The following CDH4 variants were observed in gnomAD, a reference collection of about 807,000 sequenced individuals.
The protein encoded by CDH4 is cadherin-4.
A neutral mutation model predicts 86.0 loss-of-function variants in CDH4; 33 were observed. That is an observed-to-expected ratio of 0.38 (90% CI 0.29 to 0.51). CDH4 has a LOEUF of 0.51. Ranked by LOEUF, CDH4 falls within the 20% of genes least tolerant of loss-of-function variation. The pLI, the probability that CDH4 is intolerant of heterozygous loss-of-function variation, is 0.86. For synonymous variants in CDH4, 555 were observed against 549.4 expected (o/e 1.01, Z -0.14); for missense variants, 1,114 against 1,307.4 (o/e 0.85, Z 2.28).
At chr20:61,854,861 A>C (rs1384614328) in intron 6 of CDH4, among the ~76,000 whole-genome samples, 1 of 137,776 alleles carries the variant, frequency 7.3e-6, no homozygotes, top group Non-Finnish European at 1.5e-5. Flanking sequence ...AACAGGGTGA[A>C]TTGTGCCCTT....
chr20:61,809,989 G>A (rs530499049), intron 4 of CDH4, among the ~76,000 whole-genome samples: 5 of 152,278 alleles, frequency 3.3e-5, no homozygotes, highest in African/African-American at 4.8e-5. Context: ...GAAGACCATC[G>A]TATCAGTTGG....
intron 2 of CDH4, among the ~76,000 whole-genome samples, chr20:61,464,297 C>T (rs2085461052): frequency 1.3e-5 from 2 of 152,148 alleles, no homozygotes; most frequent in South Asian, 4.2e-4. Context: ...TTTCCAGGTA[C>T]AGTTATTATG....
At chr20:61,589,969 C>T (rs950315171) in intron 2 of CDH4, among the ~76,000 whole-genome samples, 7 of 151,914 alleles carry the variant, frequency 4.6e-5, no homozygotes, top group Non-Finnish European at 8.8e-5. Flanking sequence ...AGGCCAGGGT[C>T]GGGAAGCAGC....
chr20:61,830,788 G>A (rs942137714), intron 4 of CDH4, among the ~76,000 whole-genome samples: 7 of 152,238 alleles, frequency 4.6e-5, no homozygotes, highest in Admixed American at 1.3e-4. Context: ...GCTTCTGGGC[G>A]CCCTTTCTTG....
At chr20:61,795,514 G>A (rs556548355) in intron 4 of CDH4, among the ~76,000 whole-genome samples, 1 of 152,312 alleles carries the variant, frequency 6.6e-6, no homozygotes, top group South Asian at 2.1e-4. Context: ...AGCCCCCCAG[G>A]ACGACACATA....
At chr20:61,635,595 G>A (rs953957849) in intron 2 of CDH4, among the ~76,000 whole-genome samples, 1 of 152,218 alleles carries the variant, frequency 6.6e-6, no homozygotes, top group Non-Finnish European at 1.5e-5. Context: ...ACAAGGGAAC[G>A]AGGGGCGGGC....
intron 2 of CDH4, among the ~76,000 whole-genome samples, chr20:61,651,755 G>A (rs775052735): frequency 2.6e-5 from 4 of 152,268 alleles, no homozygotes; most frequent in East Asian, 1.9e-4. Context: ...TAGTGATATC[G>A]TGGTTTTAGT....
At chr20:61,783,491 C>T (rs1396399940) in intron 4 of CDH4, among the ~76,000 whole-genome samples, 2 of 151,662 alleles carry the variant, frequency 1.3e-5, no homozygotes, top group African/African-American at 4.9e-5. Context: ...ATGTCCTGTG[C>T]CCCCGAAAGA....
chr20:61,357,686 T>A (rs764328154), intron 2 of CDH4, among the ~76,000 whole-genome samples: 1 of 151,824 alleles, frequency 6.6e-6, no homozygotes, highest in Non-Finnish European at 1.5e-5. Context: ...GAGCTTCACC[T>A]CTTCCACAAG....
At chr20:61,611,082 G>T (rs1316905105) in intron 2 of CDH4, among the ~76,000 whole-genome samples, 1 of 152,052 alleles carries the variant, frequency 6.6e-6, no homozygotes, top group Non-Finnish European at 1.5e-5. Context: ...GCTCTTCGGT[G>T]GGGTGGAGGC....
At chr20:61,837,726 C>T (rs1981943208) in intron 4 of CDH4, among the ~76,000 whole-genome samples, 1 of 150,690 alleles carries the variant, frequency 6.6e-6, no homozygotes, top group African/African-American at 2.5e-5. Flanking sequence ...CCTTGGGAAG[C>T]CCCCAGCGAC....
intron 2 of CDH4, chr20:61,719,240 G>A (rs4925196): frequency 0.081 from 32,579 of 400,150 alleles, 3,003 homozygotes; most frequent in East Asian, 0.38. Flanking sequence ...ATACAGAGAA[G>A]GATGCAAGCC....
At position 61,510,316 on chromosome 20, in the gene CDH4, A is replaced by G. The variant is rs952032235; in HGVS notation, c.170-233247A>G. Among the ~76,000 whole-genome samples, 2 of 152,052 alleles carry G rather than the reference A, an allele frequency of 1.3e-5. No homozygotes were observed. Among genetic ancestry groups the G allele is most frequent in the African/African-American group, 4.8e-5 (2 of 41,376 alleles). On this transcript the variant is annotated intron_variant, in intron 2 of 15. Coordinates refer to ENST00000614565, the MANE Select transcript of CDH4 (RefSeq NM_001794.5). This position sits in a 1 kb window ranked among gnomAD's most constrained non-coding sequence, Gnocchi z 4.2. Reference sequence around the variant, plus strand: ...GGAACGTGCATTCAGGGGAGTTTCTATTTGCCCAGGAGGATTGTGATGTAA... The same window carrying G: ...GGAACGTGCATTCAGGGGAGTTTCTGTTTGCCCAGGAGGATTGTGATGTAA...
intron 2 of CDH4, among the ~76,000 whole-genome samples, chr20:61,529,118 T>G (rs1451632512): frequency 6.6e-6 from 1 of 152,216 alleles, no homozygotes; most frequent in Non-Finnish European, 1.5e-5. Context: ...GACATTGATA[T>G]TTCATTCCTG....
At chr20:61,557,779 C>G (rs146508198) in intron 2 of CDH4, among the ~76,000 whole-genome samples, 1 of 139,326 alleles carries the variant, frequency 7.2e-6, no homozygotes, top group Non-Finnish European at 1.6e-5. Context: ...GCATTTTAAT[C>G]ACTCAAAGAC....
chr20:61,676,088 G>A lies in CDH4; in HGVS notation c.170-67475G>A, dbSNP rs926166667. On this transcript the variant is annotated intron_variant, in intron 2 of 15. Coordinates refer to ENST00000614565, the MANE Select transcript of CDH4 (RefSeq NM_001794.5). The surrounding 1 kb of genome is among the most constrained non-coding windows in gnomAD (Gnocchi z 4.5). ...TGGGCAGTCGGTGGGGGGAGCCTCAGCGAGGACCGAGTGTGGGGTCCAAGG... is the reference window on the plus strand; with the variant it reads ...TGGGCAGTCGGTGGGGGGAGCCTCAACGAGGACCGAGTGTGGGGTCCAAGG... 1.3e-5 allele frequency among the ~76,000 whole-genome samples: 2 copies of A among 152,206 alleles called. No homozygotes were observed. The highest frequency in any genetic ancestry group is 3.9e-4 in the East Asian group (2 of 5,194).
chr20:61,591,801 T>G (rs951601915), intron 2 of CDH4, among the ~76,000 whole-genome samples: 2 of 152,218 alleles, frequency 1.3e-5, no homozygotes, highest in Non-Finnish European at 2.9e-5. Context: ...TACGCAGGTC[T>G]TCCATTATAC....
At chr20:61,739,668 A>T (rs567901819) in intron 2 of CDH4, among the ~76,000 whole-genome samples, 4 of 152,282 alleles carry the variant, frequency 2.6e-5, no homozygotes, top group African/African-American at 9.6e-5. Flanking sequence ...TCCTGCCTAG[A>T]GGAGGGTGAG....
chr20:61,817,906 A>G (rs1980812219), intron 4 of CDH4, among the ~76,000 whole-genome samples: 1 of 152,240 alleles, frequency 6.6e-6, no homozygotes, highest in Non-Finnish European at 1.5e-5. Context: ...ACACACGCTG[A>G]GCTCACAGTT....
Sources: gnomAD v4.1 joint callset for allele counts (sites outside exome capture counted in the v4.1 genomes callset) on GRCh38, gnomAD v4.1.1 for gene constraint, Gnocchi (gnomAD v3.1) non-coding constraint, MANE v1.5 for transcripts, NCBI Gene and HGNC (gene_info 2026-07-23, HGNC 2026-07-21) for gene names.